The following CDH18 variants were observed in gnomAD, a reference collection of about 807,000 sequenced individuals.
CDH18 encodes the protein cadherin-18.
Under a neutral mutation model 67.9 loss-of-function variants are expected in CDH18, and 31 were observed. The observed-to-expected ratio is 0.46, with a 90% CI of 0.34 to 0.62. CDH18 has a LOEUF of 0.62. Among genes scored for constraint, CDH18 ranks in the 20% least tolerant of loss-of-function variants. The pLI, the probability that CDH18 is intolerant of heterozygous loss-of-function variation, is 0.01. For synonymous variants in CDH18, 362 were observed against 347.2 expected (o/e 1.04, Z -0.48); for missense variants, 890 against 975.5 (o/e 0.91, Z 1.17).
At chr5:19,682,554 T>C (rs892630340) in intron 5 of CDH18, among the ~76,000 whole-genome samples, 1 of 152,080 alleles carries the variant, frequency 6.6e-6, no homozygotes, top group African/African-American at 2.4e-5. Flanking sequence ...TATGTTCTAT[T>C]AACTCCAGTC....
At chr5:19,907,809 T>C (rs1361717688) in intron 2 of CDH18, among the ~76,000 whole-genome samples, 12 of 152,094 alleles carry the variant, frequency 7.9e-5, no homozygotes, top group Admixed American at 7.9e-4. Context: ...TTAGTGAATT[T>C]TCTAAATTCA....
At chr5:19,963,352 C>T (rs1797101363) in intron 2 of CDH18, among the ~76,000 whole-genome samples, 1 of 152,050 alleles carries the variant, frequency 6.6e-6, no homozygotes, top group Non-Finnish European at 1.5e-5. Flanking sequence ...AAAGAACTGT[C>T]CGAGCCTGGA....
At chr5:20,193,915 A>T (rs927676700) in intron 2 of CDH18, among the ~76,000 whole-genome samples, 3 of 152,076 alleles carry the variant, frequency 2.0e-5, no homozygotes, top group African/African-American at 7.2e-5. Flanking sequence ...CATGTTAAAA[A>T]CTCTCAATAA....
At chr5:20,418,854 T>C (rs1264719038) in intron 1 of CDH18, among the ~76,000 whole-genome samples, 1 of 152,090 alleles carries the variant, frequency 6.6e-6, no homozygotes, top group Non-Finnish European at 1.5e-5. Flanking sequence ...GTGGGGCCTT[T>C]GGGAGATGAA....
At chr5:20,548,439 TTGTG>T (rs70954668) in intron 1 of CDH18, among the ~76,000 whole-genome samples, 25 of 146,836 alleles carry the variant, frequency 1.7e-4, no homozygotes, top group African/African-American at 3.0e-4. Context: ...GAGAACATGT[TTGTG>T]TGTGTGTGTG....
At chr5:19,733,737 G>A (rs1370228043) in intron 4 of CDH18, among the ~76,000 whole-genome samples, 1 of 152,292 alleles carries the variant, frequency 6.6e-6, no homozygotes, top group African/African-American at 2.4e-5. Context: ...AAGGCTGACT[G>A]AGCTGCTAAC....
intron 1 of CDH18, among the ~76,000 whole-genome samples, chr5:20,524,660 C>T (rs1755940955): frequency 6.6e-6 from 1 of 152,116 alleles, no homozygotes; most frequent in Non-Finnish European, 1.5e-5. Context: ...CGGATCAAAA[C>T]ATCCATATTT....
intron 2 of CDH18, among the ~76,000 whole-genome samples, chr5:20,037,835 A>G (rs899503685): frequency 2.2e-4 from 33 of 152,132 alleles, no homozygotes; most frequent in Middle Eastern, 3.4e-3. Context: ...CTAGCAAAAG[A>G]CAAGAAATAA....
At chr5:19,712,899 G>A (rs1263493025) in intron 5 of CDH18, among the ~76,000 whole-genome samples, 1 of 151,688 alleles carries the variant, frequency 6.6e-6, no homozygotes, top group Middle Eastern at 3.5e-3. Context: ...TAGGATAAAT[G>A]ACCTCAGAAT....
chr5:20,027,601 AG>A (rs1739024194), intron 2 of CDH18, among the ~76,000 whole-genome samples: 1 of 152,182 alleles, frequency 6.6e-6, no homozygotes, highest in African/African-American at 2.4e-5. Flanking sequence ...TTTTGCTAGG[AG>A]GGAAAGCAGC....
intron 1 of CDH18, among the ~76,000 whole-genome samples, chr5:20,374,658 G>A (rs1015928434): frequency 6.6e-5 from 10 of 152,156 alleles, no homozygotes; most frequent in African/African-American, 2.2e-4. Flanking sequence ...CATCAATTCA[G>A]ATCTGCTAAG....
At chr5:19,574,460 A>C (rs1344883180) in intron 7 of CDH18, among the ~76,000 whole-genome samples, 2 of 152,168 alleles carry the variant, frequency 1.3e-5, no homozygotes, top group African/African-American at 4.8e-5. Context: ...ATATTTTAAC[A>C]ACCTCATTTG....
chr5:20,261,393 TCC>T (rs1230911529), intron 1 of CDH18, among the ~76,000 whole-genome samples: 2 of 152,236 alleles, frequency 1.3e-5, no homozygotes, highest in Admixed American at 6.5e-5. Context: ...TAATTATTTA[TCC>T]TTTATTTAAA....
chr5:19,596,202 G>A (rs1009635076), intron 6 of CDH18, among the ~76,000 whole-genome samples: 1 of 152,136 alleles, frequency 6.6e-6, no homozygotes, highest in Non-Finnish European at 1.5e-5. Context: ...GTCAATGGTC[G>A]TGTTTCCAAA....
chr5:20,218,786 C>A (rs192533273), intron 2 of CDH18, among the ~76,000 whole-genome samples: 1 of 151,920 alleles, frequency 6.6e-6, no homozygotes, highest in Non-Finnish European at 1.5e-5. Context: ...TGAGGCCTCC[C>A]CAGCCAAGTG....
chr5:19,936,811 T>A (rs1463966284), intron 2 of CDH18, among the ~76,000 whole-genome samples: 1 of 151,034 alleles, frequency 6.6e-6, no homozygotes, highest in Non-Finnish European at 1.5e-5. Flanking sequence ...AGAAATTTCA[T>A]GTTTCAAGAT....
At chr5:19,794,018 T>G (rs1314112221) in intron 3 of CDH18, among the ~76,000 whole-genome samples, 1 of 152,124 alleles carries the variant, frequency 6.6e-6, no homozygotes, top group East Asian at 1.9e-4. Flanking sequence ...AAATATTTGA[T>G]TATTTATGAA....
At chr5:20,554,365 C>G (rs972300707) in intron 1 of CDH18, among the ~76,000 whole-genome samples, 1 of 152,174 alleles carries the variant, frequency 6.6e-6, no homozygotes, top group Non-Finnish European at 1.5e-5. Context: ...GGTTAACCTT[C>G]TAGATAATCT....
intron 6 of CDH18, among the ~76,000 whole-genome samples, chr5:19,605,612 T>C (rs979933): frequency 0.57 from 86,760 of 151,828 alleles, 27,350 homozygotes; most frequent in South Asian, 0.75. Context: ...CTCTGTCATA[T>C]AAAACAACTC....
Sources: gnomAD v4.1 joint callset for allele counts (sites outside exome capture counted in the v4.1 genomes callset) on GRCh38, gnomAD v4.1.1 for gene constraint, MANE v1.5 for transcripts, NCBI Gene and HGNC (gene_info 2026-07-23, HGNC 2026-07-21) for gene names.